Variants in TIAM1 observed in about 807,000 individuals in gnomAD.
TIAM1 encodes the protein TIAM Rac1 associated GEF 1, also known as rho guanine nucleotide exchange factor TIAM1.
Under a neutral mutation model 163.5 loss-of-function variants are expected in TIAM1, and 65 were observed. That is an observed-to-expected ratio of 0.40 (90% confidence interval 0.33 to 0.49). The LOEUF (loss-of-function observed/expected upper bound fraction) is 0.49. Among genes scored for constraint, TIAM1 ranks in the 20% least tolerant of loss-of-function variants. The pLI is 0.77. For synonymous variants in TIAM1, 833 were observed against 810.1 expected (o/e 1.03, Z -0.48); for missense variants, 1,789 against 2,044.7 (o/e 0.87, Z 2.41).
intron 22 of TIAM1, among the ~76,000 whole-genome samples, chr21:31,137,804 G>A (rs1309641742): frequency 6.6e-6 from 1 of 151,044 alleles, no homozygotes; most frequent in Non-Finnish European, 1.5e-5. Context: ...GGAAGGAAGA[G>A]ACAAGGAGCA....
rs553115097 is a variant in TIAM1, at chr21:31,188,045, G to GA, written c.2576-959dup. Among the ~76,000 whole-genome samples, 17 of 149,952 alleles carry GA rather than the reference G, an allele frequency of 1.1e-4. 1 individual carries two copies. In the South Asian group the frequency reaches 2.8e-3, roughly 24 times the overall value. ...TAATGCTGAGGGGAGAGCAGTGGTT[G>GA]AAAAAAAAACAAGCAGGCAAATAGC... On this transcript the variant is annotated intron_variant, in intron 13 of 27. Transcript: ENST00000541036.
intron 15 of TIAM1, among the ~76,000 whole-genome samples, chr21:31,180,148 C>T (rs561536310): frequency 1.3e-3 from 195 of 152,182 alleles, no homozygotes; most frequent in Non-Finnish European, 2.1e-3. Flanking sequence ...TCAGGTGATC[C>T]GCCTGCCTTG....
At chr21:31,196,888 A>G (rs1395021213) in intron 12 of TIAM1, among the ~76,000 whole-genome samples, 1 of 152,244 alleles carries the variant, frequency 6.6e-6, no homozygotes, top group Non-Finnish European at 1.5e-5. Flanking sequence ...TGGTACATGT[A>G]TACCACAGAA....
intron 1 of TIAM1, among the ~76,000 whole-genome samples, chr21:31,550,432 G>A (rs2048644155): frequency 6.6e-6 from 1 of 152,136 alleles, no homozygotes; most frequent in Admixed American, 6.6e-5. Flanking sequence ...TCCAGACTAA[G>A]CAAATCCATG....
chr21:31,211,010 G>A (rs1256177776), intron 10 of TIAM1, among the ~76,000 whole-genome samples: 1 of 151,614 alleles, frequency 6.6e-6, no homozygotes, highest in African/African-American at 2.4e-5. Flanking sequence ...TTTATAGACA[G>A]CATCATTTTT....
At position 31,146,837 on chromosome 21, in the gene TIAM1, G is replaced by A. The variant is rs2083142088; in HGVS notation, c.3475+58C>T. On this transcript the variant is annotated intron_variant, in intron 20 of 27. Transcript: ENST00000541036. ...TTCTGCCCAAAAGCCCCCAACCACTGTCAGCCACACAACTGACAAGCAACA... is the reference window on the plus strand; with the variant it reads ...TTCTGCCCAAAAGCCCCCAACCACTATCAGCCACACAACTGACAAGCAACA... The A allele has an allele frequency of 3.5e-6, 5 of 1,430,854 alleles. No homozygotes were observed. In the African/African-American group the frequency reaches 4.2e-5, roughly 12 times the overall value. 88.6% of individuals were successfully genotyped at this position (1,430,854 alleles called of 1,614,324 possible).
At chr21:31,523,320 T>C (rs979305605) in intron 1 of TIAM1, among the ~76,000 whole-genome samples, 1 of 152,164 alleles carries the variant, frequency 6.6e-6, no homozygotes, top group African/African-American at 2.4e-5. Context: ...TCCTAAGCAG[T>C]GCAATTAAGA....
At chr21:31,352,585 C>A (rs1392049189) in intron 2 of TIAM1, among the ~76,000 whole-genome samples, 2 of 148,268 alleles carry the variant, frequency 1.3e-5, no homozygotes, top group Non-Finnish European at 3.0e-5. Context: ...GGTACAGTGG[C>A]TCATGCCTAA....
At chr21:31,182,674 T>G (rs2085090219) in intron 14 of TIAM1, 29 bp from the exon 15 acceptor site, 1 of 1,596,042 alleles carries the variant, frequency 6.3e-7, no homozygotes, top group South Asian at 1.1e-5. Context: ...AAATTTTTAA[T>G]TTCACACACA....
intron 2 of TIAM1, among the ~76,000 whole-genome samples, chr21:31,386,197 C>T (rs1264337878): frequency 6.6e-6 from 1 of 152,080 alleles, no homozygotes; most frequent in Non-Finnish European, 1.5e-5. Flanking sequence ...TGAAATGGGG[C>T]TGTTTCCCTG....
intron 4 of TIAM1, among the ~76,000 whole-genome samples, chr21:31,264,184 T>C (rs1210329568): frequency 6.6e-6 from 1 of 152,140 alleles, no homozygotes; most frequent in East Asian, 1.9e-4. Flanking sequence ...CATGGATATA[T>C]TATGCAATAC....
At chr21:31,246,813 C>A (rs912047364) in intron 5 of TIAM1, among the ~76,000 whole-genome samples, 1 of 152,146 alleles carries the variant, frequency 6.6e-6, no homozygotes, top group Non-Finnish European at 1.5e-5. Flanking sequence ...TATTGATATG[C>A]CCTGCCCACT....
At chr21:31,422,970 G>A (rs926520491) in intron 2 of TIAM1, among the ~76,000 whole-genome samples, 1 of 149,324 alleles carries the variant, frequency 6.7e-6, no homozygotes. Context: ...CTCCCTACAG[G>A]CCCAGTCTCT....
rs979519135 is a variant in TIAM1, at chr21:31,480,163, T to C, written c.-421-16128A>G. Among the ~76,000 whole-genome samples the C allele has an allele frequency of 2.4e-4, 36 of 152,212 alleles. 1 individual carries two copies. The highest frequency in any genetic ancestry group is 4.4e-5 in the Non-Finnish European group (3 of 68,042). ...AAGGCAGAGCAAAAACATCTGATGA[T>C]AAAAGGTTCAGCCTCCAAGAGCAGC... On this transcript the variant is annotated intron_variant, in intron 1 of 28. Coordinates refer to the TIAM1 transcript ENST00000286827.
intron 2 of TIAM1, among the ~76,000 whole-genome samples, chr21:31,422,798 T>C (rs75837378): frequency 0.01 from 1,540 of 152,296 alleles, 29 homozygotes; most frequent in African/African-American, 0.035. Flanking sequence ...CATGGACATA[T>C]TGGCTTTCTA....
At chr21:31,295,714 A>G (rs948936696) in intron 2 of TIAM1, among the ~76,000 whole-genome samples, 12 of 152,176 alleles carry the variant, frequency 7.9e-5, no homozygotes, top group African/African-American at 2.9e-4. Context: ...GAGAGTCTCT[A>G]CAATTCAATA....
intron 2 of TIAM1, among the ~76,000 whole-genome samples, chr21:31,413,956 G>A (rs1222807715): frequency 1.3e-5 from 2 of 152,224 alleles, no homozygotes; most frequent in East Asian, 1.9e-4. Flanking sequence ...CAGAGCAACC[G>A]TCGTGATGGG....
chr21:31,513,437 T>C (rs985282937), intron 1 of TIAM1, among the ~76,000 whole-genome samples: 12 of 152,188 alleles, frequency 7.9e-5, no homozygotes, highest in Admixed American at 7.2e-4. Flanking sequence ...GAACTTCCTC[T>C]TGAGTTTCAA....
chr21:31,320,173 C>T (rs1393084668), intron 2 of TIAM1, among the ~76,000 whole-genome samples: 1 of 152,106 alleles, frequency 6.6e-6, no homozygotes, highest in Non-Finnish European at 1.5e-5. Context: ...AATTCTGACA[C>T]ATACTACAAC....
Sources: allele counts gnomAD v4.1 joint callset (sites outside exome capture counted in the v4.1 genomes callset), GRCh38; gene constraint gnomAD v4.1.1; transcripts MANE v1.5; gene names NCBI Gene and HGNC (gene_info 2026-07-23, HGNC 2026-07-21).